Variants in CELSR1 observed in about 807,000 individuals in gnomAD.
The protein encoded by CELSR1 is adhesion G protein-coupled receptor C1.
Under a neutral mutation model 249.1 loss-of-function variants are expected in CELSR1, and 110 were observed. That is an observed-to-expected ratio of 0.44 (90% CI 0.38 to 0.52). The LOEUF is 0.52. Among genes scored for constraint, CELSR1 ranks in the 20% least tolerant of loss-of-function variants. The pLI, the probability that CELSR1 is intolerant of heterozygous loss-of-function variation, is 0.00. For missense variants in CELSR1, 4,109 were observed against 4,296.4 expected, an observed-to-expected ratio of 0.96 and a Z score of 1.22; for synonymous variants, 2,113 against 1,900.0, an observed-to-expected ratio of 1.11 and a Z score of -2.92.
At chr22:46,478,250 A>G (rs2080229804) in intron 1 of CELSR1, among the ~76,000 whole-genome samples, 1 of 152,146 alleles carries the variant, frequency 6.6e-6, no homozygotes, top group African/African-American at 2.4e-5. Context: ...GAGCCCAGAG[A>G]TTGACACGGG....
chr22:46,524,796 C>T (rs2080722746), intron 1 of CELSR1, among the ~76,000 whole-genome samples: 1 of 152,172 alleles, frequency 6.6e-6, no homozygotes, highest in South Asian at 2.1e-4. Context: ...CTGAAAAATG[C>T]CCATCCCTTC....
rs2080854661 is a variant in CELSR1 at position 46,536,271 on chromosome 22, A to T, written c.900T>A (p.Ser300=). ...ERSRGYFRID[S]ATGAVSTDSV... ...TGTCCGTGCTCACGGCGCCCGTGGC[A>T]GAGTCGATTCGGAAGTAGCCCCGGG... The change falls in exon 1 of 35, where the codon TCT becomes TCA. Residue 300 remains serine (S), a synonymous_variant. Coordinates refer to ENST00000674500, the MANE Select transcript of CELSR1 (RefSeq NM_001378328.1). The T allele has an allele frequency of 1.2e-6, 2 of 1,612,432 alleles. No homozygotes were observed. Among genetic ancestry groups the T allele is most frequent in the Non-Finnish European group, 1.7e-6 (2 of 1,179,866 alleles).
chr22:46,509,341 G>A (rs2080548848), intron 1 of CELSR1, among the ~76,000 whole-genome samples: 1 of 152,214 alleles, frequency 6.6e-6, no homozygotes, highest in African/African-American at 2.4e-5. Flanking sequence ...CAGAGGGGGT[G>A]ATGGGTACCC....
At chr22:46,481,344 G>C in intron 1 of CELSR1, 1 of 722,542 alleles carries the variant, frequency 1.4e-6, no homozygotes. Context: ...CAATGGATGA[G>C]AGAGCCTCCT....
chr22:46,404,481 A>G (rs1385465380), intron 9 of CELSR1, among the ~76,000 whole-genome samples: 1 of 152,220 alleles, frequency 6.6e-6, no homozygotes, highest in African/African-American at 2.4e-5. Flanking sequence ...CTACTTCTAA[A>G]TATCACATCA....
rs1455264477 is a variant in CELSR1 at position 46,468,281 on chromosome 22, G to A, written c.3545-3936C>T. Among the ~76,000 whole-genome samples, 1 of 151,898 alleles carries A rather than the reference G, an allele frequency of 6.6e-6. No individual in the cohort carries two copies. The highest frequency in any genetic ancestry group is 1.5e-5 in the Non-Finnish European group (1 of 67,986). ...CATGCCTGTAATCTTAGCTACTCGG[G>A]AGGCTGAGGCAGGAGAATCGCTTGA... is the stretch of plus-strand genomic sequence containing the variant. On this transcript the variant is annotated intron_variant, in intron 1 of 34. Coordinates refer to ENST00000674500, the MANE Select transcript of CELSR1 (RefSeq NM_001378328.1). The surrounding 1 kb of genome is among the most constrained non-coding windows in gnomAD (Gnocchi z 4.5).
intron 1 of CELSR1, among the ~76,000 whole-genome samples, chr22:46,531,426 G>A (rs2080791200): frequency 6.6e-6 from 1 of 152,100 alleles, no homozygotes; most frequent in Non-Finnish European, 1.5e-5. Flanking sequence ...GGTTGGTCTT[G>A]AACTCCTGAC....
In CELSR1 at chr22:46,364,671, C is replaced by T; in HGVS notation, c.8620G>A (p.Glu2874Lys). The T allele has an allele frequency of 1.9e-6, 3 of 1,612,668 alleles. No individual in the cohort carries two copies. Among genetic ancestry groups the T allele is most frequent in the Non-Finnish European group, 2.5e-6 (3 of 1,179,898 alleles). The change falls in exon 33 of 35, where the codon GAG becomes AAG. Residue 2874 changes from glutamate to lysine, a missense_variant. This residue lies in a region of CELSR1 where 1,805 missense variants were observed against 1,831.6 expected (regional missense o/e 0.99). Transcript: ENST00000674500. ...PDQSLAESDS[E>K]DPSGKPRLKV... Reference sequence around the variant, plus strand: ...AGGCGGGGCTTGCCGCTGGGGTCCTCACTGTCACTCTCAGCCAGGCTCTGG... The same window carrying T: ...AGGCGGGGCTTGCCGCTGGGGTCCTTACTGTCACTCTCAGCCAGGCTCTGG...
In CELSR1 at chr22:46,468,747, G is replaced by A. The variant is rs2080124102; in HGVS notation, c.3545-4402C>T. On this transcript the variant is annotated intron_variant, in intron 1 of 34. Transcript: ENST00000674500. The surrounding 1 kb of genome is among the most constrained non-coding windows in gnomAD (Gnocchi z 4.5). ...AACCACACACTTAAAAATGGTTAAA[G>A]TGGTAAACGTATGTGTATTTTACCA... Among the ~76,000 whole-genome samples, 1 of 152,160 alleles carries A rather than the reference G, an allele frequency of 6.6e-6. No individual in the cohort carries two copies. The highest frequency in any genetic ancestry group is 6.6e-5 in the Admixed American group (1 of 15,256).
intron 2 of CELSR1, among the ~76,000 whole-genome samples, chr22:46,449,056 C>G (rs1221194127): frequency 6.6e-6 from 1 of 151,674 alleles, no homozygotes; most frequent in Non-Finnish European, 1.5e-5. Context: ...TCACCCACCC[C>G]TCCACCCTTC....
At chr22:46,373,344 C>T (rs769191432) in intron 24 of CELSR1, among the ~76,000 whole-genome samples, 8 of 152,096 alleles carry the variant, frequency 5.3e-5, no homozygotes, top group Admixed American at 1.3e-4. Flanking sequence ...TGAACACAAA[C>T]CCAGTCCCAC....
intron 1 of CELSR1, among the ~76,000 whole-genome samples, chr22:46,499,438 T>C (rs2080445264): frequency 6.6e-6 from 1 of 152,198 alleles, no homozygotes. Context: ...ACATCAAGCC[T>C]GTGAGGACAT....
intron 1 of CELSR1, among the ~76,000 whole-genome samples, chr22:46,503,584 C>A (rs563285580): frequency 6.6e-6 from 1 of 152,246 alleles, no homozygotes; most frequent in Admixed American, 6.5e-5. Flanking sequence ...CTTCTTGATC[C>A]GCCCGTTCCT....
At position 46,527,011 on chromosome 22, in the gene CELSR1, C is replaced by G. The variant is rs533395211; in HGVS notation, c.3544+6616G>C. 3.9e-5 allele frequency among the ~76,000 whole-genome samples: 6 copies of G among 152,328 alleles called. No homozygotes were observed. Among genetic ancestry groups the G allele is most frequent in the Admixed American group, 3.9e-4 (6 of 15,302 alleles). On this transcript the variant is annotated intron_variant, in intron 1 of 34. Transcript: ENST00000674500. The surrounding 1 kb of genome is among the most constrained non-coding windows in gnomAD (Gnocchi z 5.5). ...GCCAGTTTTTTCTGGAAGGCACAGACAGGGAACATGCCTTAGGAGCTGCCC... is the reference window on the plus strand; with the variant it reads ...GCCAGTTTTTTCTGGAAGGCACAGAGAGGGAACATGCCTTAGGAGCTGCCC...
At chr22:46,532,708 G>A (rs946305977) in intron 1 of CELSR1, among the ~76,000 whole-genome samples, 1 of 152,184 alleles carries the variant, frequency 6.6e-6, no homozygotes, top group East Asian at 1.9e-4. Flanking sequence ...ATCCTTGGAT[G>A]CACGGTCAGG....
intron 27 of CELSR1, among the ~76,000 whole-genome samples, chr22:46,368,323 G>C (rs939377134): frequency 6.6e-6 from 1 of 152,098 alleles, no homozygotes; most frequent in Non-Finnish European, 1.5e-5. Flanking sequence ...AGAGGGGATG[G>C]AGTGAATCCG....
At position 46,536,193 on chromosome 22, in the gene CELSR1, C is replaced by T; in HGVS notation, c.978G>A (p.Val326=). 6.2e-7 allele frequency: 1 copy of T among 1,612,704 alleles called. No individual in the cohort carries two copies. The highest frequency in any genetic ancestry group is 8.5e-7 in the Non-Finnish European group (1 of 1,179,982). Residue 326 remains valine, a synonymous_variant, in exon 1 of 35, where the codon GTG becomes GTA. Transcript: ENST00000674500. ...CCGAGCGCGGCGGCGTACTGTAGTC[C>T]ACGGCTTTCACCCTGAGGACGTGCG... ...KETHVLRVKA[V]DYSTPPRSAT...
intron 2 of CELSR1, among the ~76,000 whole-genome samples, chr22:46,458,099 G>A (rs576278768): frequency 1.4e-5 from 2 of 145,060 alleles, no homozygotes; most frequent in African/African-American, 4.9e-5. Context: ...GGTGAGGGCT[G>A]CAGGGAGGAC....
rs147968025 is a variant in CELSR1 at position 46,364,610 on chromosome 22, C to A, written c.8681G>T (p.Arg2894Leu). The A allele has an allele frequency of 3.5e-5, 56 of 1,612,696 alleles. No homozygotes were observed. The East Asian group carries it at 4.2e-4, about 12-fold the overall frequency. The change falls in exon 33 of 35, where the codon CGC (arginine) becomes CTC (leucine). Residue 2894 changes from arginine (R) to leucine (L), a missense_variant. This residue lies in a region of CELSR1 where 1,805 missense variants were observed against 1,831.6 expected (regional missense o/e 0.99). Transcript: ENST00000674500. ...VETKVSVELHREEQGSHRGEY... is the reference protein window; with the variant it reads ...VETKVSVELHLEEQGSHRGEY... ...TCCACGGTGACTGCCCTGCTCCTCG[C>A]GGTGCAGCTCCACGCTGACCTTGGT...
Sources: allele counts gnomAD v4.1 joint callset (sites outside exome capture counted in the v4.1 genomes callset), GRCh38; gene constraint gnomAD v4.1.1; regional missense constraint gnomAD v4.1.1; non-coding constraint Gnocchi (gnomAD v3.1); transcripts MANE v1.5; gene names NCBI Gene and HGNC (gene_info 2026-07-23, HGNC 2026-07-21).